ARL15: variants seen among roughly 807,000 people sequenced by gnomAD.
ARL15 encodes ADP-ribosylation factor-like protein 15.
A neutral mutation model predicts 25.2 loss-of-function variants in ARL15; 19 were observed. That is an observed-to-expected ratio of 0.75 (90% CI 0.53 to 1.10). The LOEUF is 1.10. ARL15 is among the 50% of genes least tolerant of loss of function. The pLI is 0.00. For synonymous variants in ARL15, 94 were observed against 86.8 expected (o/e 1.08, Z -0.46); for missense variants, 220 against 246.0 (o/e 0.89, Z 0.71).
intron 4 of ARL15, among the ~76,000 whole-genome samples, chr5:54,111,663 T>C (rs1752744331): frequency 6.6e-6 from 1 of 152,122 alleles, no homozygotes; most frequent in African/African-American, 2.4e-5. Context: ...CTTATATCTA[T>C]GTTTTATCAA....
intron 1 of ARL15, among the ~76,000 whole-genome samples, chr5:54,195,700 T>A (rs967642373): frequency 6.6e-6 from 1 of 152,186 alleles, no homozygotes; most frequent in African/African-American, 2.4e-5. Flanking sequence ...CTTCAACTTT[T>A]CTATGCATAT....
chr5:54,242,736 T>A (rs960880690), intron 1 of ARL15, among the ~76,000 whole-genome samples: 1 of 152,190 alleles, frequency 6.6e-6, no homozygotes, highest in Non-Finnish European at 1.5e-5. Flanking sequence ...GTCAACTGAA[T>A]GATGTCGCTC....
intron 4 of ARL15, among the ~76,000 whole-genome samples, chr5:54,015,535 C>T (rs538225997): frequency 3.3e-5 from 5 of 152,178 alleles, no homozygotes; most frequent in Admixed American, 6.5e-5. Context: ...AAAATGATTA[C>T]GGATATTAGA....
chr5:54,027,773 A>G (rs1312944350), intron 4 of ARL15, among the ~76,000 whole-genome samples: 1 of 152,130 alleles, frequency 6.6e-6, no homozygotes, highest in African/African-American at 2.4e-5. Flanking sequence ...TCAAAGAATC[A>G]AATACTAGCC....
intron 4 of ARL15, among the ~76,000 whole-genome samples, chr5:53,950,031 C>T (rs753331718): frequency 6.6e-6 from 1 of 152,128 alleles, no homozygotes; most frequent in African/African-American, 2.4e-5. Flanking sequence ...AAAGGCACTA[C>T]ATAAATGTGA....
At chr5:54,056,727 G>A (rs571428923) in intron 4 of ARL15, among the ~76,000 whole-genome samples, 1 of 152,092 alleles carries the variant, frequency 6.6e-6, no homozygotes, top group South Asian at 2.1e-4. Flanking sequence ...ACTAAAGGAG[G>A]GAGCATGGTG....
At chr5:53,920,858 C>G (rs1745833284) in intron 4 of ARL15, among the ~76,000 whole-genome samples, 1 of 152,074 alleles carries the variant, frequency 6.6e-6, no homozygotes, top group African/African-American at 2.4e-5. Flanking sequence ...GGAGTCGGGG[C>G]ACAACTGATG....
intron 4 of ARL15, among the ~76,000 whole-genome samples, chr5:53,995,375 T>C (rs902717585): frequency 1.3e-5 from 2 of 150,498 alleles, no homozygotes; most frequent in Non-Finnish European, 2.9e-5. Context: ...TTGCATTTAA[T>C]TCAAATAATA....
chr5:53,951,611 C>A (rs759810424), intron 4 of ARL15: 9 of 464,202 alleles, frequency 1.9e-5, no homozygotes, highest in South Asian at 1.4e-4. Flanking sequence ...TTTTGGAAAA[C>A]CTTACTTACT....
rs775247465 is a variant in ARL15 at position 54,272,392 on chromosome 5, G to A, written c.48+38040C>T. ...CTATCAAGAAAAAAGTACTAGTTCT[G>A]AGGATAAAACACTACATGTTTGTCA... On this transcript the variant is annotated intron_variant, in intron 1 of 4. Coordinates refer to ENST00000504924, the MANE Select transcript of ARL15 (RefSeq NM_019087.3). Among the ~76,000 whole-genome samples, 4 of 152,086 alleles carry A rather than the reference G, an allele frequency of 2.6e-5. No homozygotes were observed. The East Asian group carries it at 7.7e-4, about 29-fold the overall frequency.
chr5:54,061,681 C>G (rs1011844059), intron 4 of ARL15, among the ~76,000 whole-genome samples: 7 of 152,132 alleles, frequency 4.6e-5, no homozygotes, highest in Admixed American at 2.6e-4. Context: ...TATGGAAATG[C>G]CTGAATGCCC....
At chr5:54,071,354 C>A (rs989696591) in intron 4 of ARL15, among the ~76,000 whole-genome samples, 7 of 151,982 alleles carry the variant, frequency 4.6e-5, no homozygotes, top group Non-Finnish European at 1.0e-4. Flanking sequence ...TGAAAATATA[C>A]ACATTGAACA....
intron 1 of ARL15, among the ~76,000 whole-genome samples, chr5:54,173,940 A>G (rs1010737969): frequency 1.3e-5 from 2 of 152,060 alleles, no homozygotes; most frequent in African/African-American, 4.8e-5. Context: ...TTCTGGACTT[A>G]GCCAACACCT....
intron 1 of ARL15, among the ~76,000 whole-genome samples, chr5:54,255,891 C>T (rs568038512): frequency 8.5e-4 from 130 of 152,140 alleles, no homozygotes; most frequent in African/African-American, 3.1e-3. Flanking sequence ...CACAAGTTTT[C>T]AAAACCTCTG....
intron 4 of ARL15, among the ~76,000 whole-genome samples, chr5:54,108,202 G>C (rs1049423442): frequency 2.0e-5 from 3 of 152,084 alleles, no homozygotes; most frequent in Admixed American, 2.0e-4. Context: ...AGAGATAGCT[G>C]AGTCATTCAG....
chr5:54,287,426 C>A (rs549925452), intron 1 of ARL15, among the ~76,000 whole-genome samples: 1 of 151,604 alleles, frequency 6.6e-6, no homozygotes, highest in Admixed American at 6.6e-5. Flanking sequence ...TTGGAAGCAT[C>A]TCCTGAATTT....
intron 1 of ARL15, among the ~76,000 whole-genome samples, chr5:54,227,444 T>G (rs1013670871): frequency 1.3e-5 from 2 of 152,228 alleles, no homozygotes; most frequent in African/African-American, 4.8e-5. Context: ...GGTATTACTA[T>G]GAGCGGCTTT....
intron 4 of ARL15, among the ~76,000 whole-genome samples, chr5:54,037,604 T>C (rs1394020873): frequency 1.3e-5 from 2 of 152,122 alleles, no homozygotes; most frequent in South Asian, 2.1e-4. Flanking sequence ...ATAGACACTC[T>C]AGAAAATATT....
intron 4 of ARL15, among the ~76,000 whole-genome samples, chr5:54,081,059 T>C (rs1751783727): frequency 6.6e-6 from 1 of 152,144 alleles, no homozygotes; most frequent in South Asian, 2.1e-4. Flanking sequence ...TTAGCCTTAA[T>C]TTACTTCCTA....
Sources: gnomAD v4.1 joint callset for allele counts (sites outside exome capture counted in the v4.1 genomes callset) on GRCh38, gnomAD v4.1.1 for gene constraint, MANE v1.5 for transcripts, NCBI Gene and HGNC (gene_info 2026-07-23, HGNC 2026-07-21) for gene names.